VPS45: variants seen among roughly 807,000 people sequenced by gnomAD.
The protein encoded by VPS45 is vacuolar protein sorting-associated protein 45.
A neutral mutation model predicts 75.9 loss-of-function variants in VPS45; 35 were observed. That is an observed-to-expected ratio of 0.46 (90% CI 0.35 to 0.61). VPS45 has a LOEUF of 0.61. VPS45 is among the 20% of genes least tolerant of loss of function. The pLI is 0.00. For synonymous variants in VPS45, 220 were observed against 238.2 expected (o/e 0.92, Z 0.70); for missense variants, 559 against 685.9 (o/e 0.81, Z 2.07).
chr1:150,116,427 T>A (rs1177502041), intron 14 of VPS45, among the ~76,000 whole-genome samples: 1 of 152,224 alleles, frequency 6.6e-6, no homozygotes, highest in African/African-American at 2.4e-5. Context: ...TATTAATTCA[T>A]TGAATCCTCA....
chr1:150,117,061 C>T (rs1053154467), intron 14 of VPS45, among the ~76,000 whole-genome samples: 1 of 151,830 alleles, frequency 6.6e-6, no homozygotes, highest in Non-Finnish European at 1.5e-5. Flanking sequence ...ATTAGCTGGG[C>T]GTGGTGGCGT....
At chr1:150,072,438 G>A (rs781963072) in intron 3 of VPS45, among the ~76,000 whole-genome samples, 31 of 152,056 alleles carry the variant, frequency 2.0e-4, no homozygotes, top group Non-Finnish European at 3.5e-4. Flanking sequence ...CAAGGCGGGC[G>A]GATCATCTGA....
intron 14 of VPS45, chr1:150,142,891 G>T (rs1432278156): frequency 2.2e-6 from 1 of 448,738 alleles, no homozygotes; most frequent in Non-Finnish European, 4.5e-6. Context: ...GGGCTCAAGC[G>T]ATCCACCCGC....
chr1:150,116,984 T>C (rs145757849), intron 14 of VPS45, among the ~76,000 whole-genome samples: 4,105 of 151,832 alleles, frequency 0.027, 144 homozygotes, highest in African/African-American at 0.089. Flanking sequence ...AGGCGGATCA[T>C]GAGGTCAGAA....
chr1:150,116,264 G>A (rs1393134717), intron 14 of VPS45, among the ~76,000 whole-genome samples: 5 of 152,030 alleles, frequency 3.3e-5, no homozygotes, highest in African/African-American at 4.8e-5. Context: ...TAATTCAAGG[G>A]CACCTCTTGA....
chr1:150,124,416 G>A (rs1268135893), intron 14 of VPS45, among the ~76,000 whole-genome samples: 3 of 151,798 alleles, frequency 2.0e-5, no homozygotes, highest in Admixed American at 6.6e-5. Context: ...CCGAGATCGC[G>A]CCACTGCACT....
In VPS45 at chr1:150,104,383, A is replaced by C. The variant is rs114293536; in HGVS notation, c.1494-6113A>C. ...GCCTGCTTAGTATTCCATGGTGTAT[A>C]TATACCACATTTTCTTTATTCAGTC... On this transcript the variant is annotated intron_variant, in intron 13 of 14. Coordinates refer to ENST00000644510, the MANE Select transcript of VPS45 (RefSeq NM_007259.5). Among the ~76,000 whole-genome samples, 1,158 of 152,286 alleles carry C rather than the reference A, an allele frequency of 7.6e-3. 11 individuals are homozygous for C. Among genetic ancestry groups the C allele is most frequent in the Non-Finnish European group, 0.013 (861 of 68,018 alleles).
At chr1:150,108,505 G>T (rs2101604342) in intron 13 of VPS45, among the ~76,000 whole-genome samples, 1 of 152,292 alleles carries the variant, frequency 6.6e-6, no homozygotes, top group East Asian at 1.9e-4. Flanking sequence ...TTTAGATTAA[G>T]AAGAAAGGAG....
At position 150,082,866 on chromosome 1, in the gene VPS45, C is replaced by T; in HGVS notation, c.1087C>T (p.His363Tyr). Residue 363 changes from histidine (H) to tyrosine (Y), a missense_variant, in exon 10 of 15, where the codon CAT becomes TAT. By Grantham distance (83) the His-to-Tyr change is moderately conservative. Transcript: ENST00000644510. ...VEQELACQND[H>Y]SSALQNIKRL... ...GCAAGAACTGGCCTGTCAAAATGAC[C>T]ATTCTAGTGCTCTCCAGGTCAGTCC... 8 of 1,613,950 alleles carry T rather than the reference C, an allele frequency of 5.0e-6. No homozygotes were observed. The highest frequency in any genetic ancestry group is 6.8e-6 in the Non-Finnish European group (8 of 1,179,934).
chr1:150,119,860 G>A (rs1553809227), intron 14 of VPS45, among the ~76,000 whole-genome samples: 1 of 152,196 alleles, frequency 6.6e-6, no homozygotes, highest in Non-Finnish European at 1.5e-5. Flanking sequence ...TGTAATCCCA[G>A]CACTTTGGGA....
At chr1:150,135,466 A>G (rs1462204829) in intron 14 of VPS45, among the ~76,000 whole-genome samples, 4 of 151,978 alleles carry the variant, frequency 2.6e-5, no homozygotes, top group African/African-American at 9.7e-5. Flanking sequence ...GGGTTTCACC[A>G]AGTTGGCCAG....
intron 7 of VPS45, 41 bp from the exon 8 acceptor site, chr1:150,081,301 A>T: frequency 1.3e-6 from 2 of 1,559,694 alleles, no homozygotes; most frequent in Non-Finnish European, 1.7e-6. Flanking sequence ...CTATTTCCAT[A>T]TTCTGTCAGT....
In VPS45 at chr1:150,067,999, C is replaced by A. The variant is rs587768413; in HGVS notation, c.93+49C>A. ...TTGTGAAGGAACCCTCTCAACCTTACAATTGCTCGTCCCATTCCACTGTAG... is the reference window on the plus strand; with the variant it reads ...TTGTGAAGGAACCCTCTCAACCTTAAAATTGCTCGTCCCATTCCACTGTAG... On this transcript the variant is annotated intron_variant, in intron 1 of 14. Coordinates refer to ENST00000644510, the MANE Select transcript of VPS45 (RefSeq NM_007259.5). 7.1e-6 allele frequency: 11 copies of A among 1,542,810 alleles called. No individual in the cohort carries two copies. In the East Asian group the frequency reaches 1.3e-4, roughly 19 times the overall value.
intron 14 of VPS45, among the ~76,000 whole-genome samples, chr1:150,144,124 T>TC (rs1449217825): frequency 6.6e-6 from 1 of 151,254 alleles, no homozygotes; most frequent in Non-Finnish European, 1.5e-5. Context: ...TTTAATTTTT[T>TC]TTTTATTAGA....
chr1:150,077,087 CA>C lies in VPS45; in HGVS notation c.439-2del, dbSNP rs782005099. On this transcript the variant is annotated splice_polypyrimidine_tract_variant and splice_region_variant and intron_variant, in intron 5 of 14. Coordinates refer to ENST00000644510, the MANE Select transcript of VPS45 (RefSeq NM_007259.5). ...ATTTTCTCTGAATATATGTTTTTAA[CA>C]AAAAGGGTCGAAATTGGGATCCAGC... The C allele has an allele frequency of 5.1e-5, 82 of 1,612,986 alleles. No homozygotes were observed. The highest frequency in any genetic ancestry group is 6.3e-5 in the Non-Finnish European group (74 of 1,179,754).
intron 2 of VPS45, among the ~76,000 whole-genome samples, chr1:150,071,366 C>T (rs1655062985): frequency 6.6e-6 from 1 of 152,188 alleles, no homozygotes; most frequent in Non-Finnish European, 1.5e-5. Flanking sequence ...GCAAATACTT[C>T]ACAAACATTG....
chr1:150,088,475 C>CTTTTTT lies in VPS45; in HGVS notation c.1105-3461_1105-3456dup, dbSNP rs1312269902. ...TATATATGCTGCTATTTTCTTTTCCCTTTTTTCTTTTTTTTTTTTTTTGAG... is the reference window on the plus strand; with the variant it reads ...TATATATGCTGCTATTTTCTTTTCCCTTTTTTTTTTTTCTTTTTTTTTTTTTTTGAG... On this transcript the variant is annotated intron_variant, in intron 10 of 14. Coordinates refer to ENST00000644510, the MANE Select transcript of VPS45 (RefSeq NM_007259.5). Among the ~76,000 whole-genome samples the CTTTTTT allele has an allele frequency of 1.3e-4, 11 of 87,890 alleles. 2 individuals carry two copies. Among genetic ancestry groups the CTTTTTT allele is most frequent in the African/African-American group, 1.8e-4 (4 of 21,690 alleles). The allele number at this position is 87,890 out of a possible 152,430, so 57.7% of individuals were successfully genotyped here.
At chr1:150,120,708 G>A (rs1279468150) in intron 14 of VPS45, among the ~76,000 whole-genome samples, 1 of 151,946 alleles carries the variant, frequency 6.6e-6, no homozygotes, top group African/African-American at 2.4e-5. Flanking sequence ...CAGGCCTTCC[G>A]TAGTTGTATG....
At chr1:150,082,632 C>A in intron 9 of VPS45, 84 bp from the exon 10 acceptor site, 2 of 1,503,340 alleles carry the variant, frequency 1.3e-6, no homozygotes, top group Non-Finnish European at 1.8e-6. Context: ...AAACAACCCC[C>A]GCTTTCCCCA....
Sources: gnomAD v4.1 joint callset for allele counts (sites outside exome capture counted in the v4.1 genomes callset) on GRCh38, gnomAD v4.1.1 for gene constraint, MANE v1.5 for transcripts, NCBI Gene and HGNC (gene_info 2026-07-23, HGNC 2026-07-21) for gene names.